PRDM11: variants seen among roughly 807,000 people sequenced by gnomAD.
The protein encoded by PRDM11 is PR/SET domain 11, also known as PR domain-containing protein 11.
In PRDM11, 20 loss-of-function variants were observed where a neutral mutation model predicts 97.8. That is an observed-to-expected ratio of 0.20 (90% CI 0.14 to 0.30). The LOEUF is 0.30. PRDM11 is among the 10% of genes least tolerant of loss of function. PRDM11 has a pLI of 1.00. For missense variants in PRDM11, 1,139 were observed against 1,555.2 expected, an observed-to-expected ratio of 0.73 and a Z score of 4.50; for synonymous variants, 599 against 637.7, an observed-to-expected ratio of 0.94 and a Z score of 0.91.
intron 4 of PRDM11, among the ~76,000 whole-genome samples, chr11:45,202,370 A>G (rs548035279): frequency 6.6e-6 from 1 of 152,358 alleles, no homozygotes; most frequent in Admixed American, 6.5e-5. Context: ...ATGATGTAAC[A>G]GAGATAATGC....
chr11:45,095,978 T>C, intron 1 of PRDM11: 4 of 732,800 alleles, frequency 5.5e-6, no homozygotes. Context: ...GGAATACTCT[T>C]CCTCCAGATC....
At chr11:45,196,292 T>C (rs755762445) in intron 4 of PRDM11, among the ~76,000 whole-genome samples, 3 of 152,162 alleles carry the variant, frequency 2.0e-5, no homozygotes, top group African/African-American at 4.8e-5. Context: ...CAGTGGTTAT[T>C]TGGGGAGAGC....
At chr11:45,194,590 CTGTTTTTTTTTT>C (rs1373557305) in intron 4 of PRDM11, among the ~76,000 whole-genome samples, 5 of 89,992 alleles carry the variant, frequency 5.6e-5, no homozygotes, top group Non-Finnish European at 6.7e-5. Flanking sequence ...TTATTATCTT[CTGTTTTTTTTTT>C]TTTTTTTTTT....
At chr11:45,097,089 AT>A (rs1851895823) in intron 1 of PRDM11, among the ~76,000 whole-genome samples, 3 of 152,226 alleles carry the variant, frequency 2.0e-5, no homozygotes, top group African/African-American at 7.2e-5. Flanking sequence ...CAAATCAAGG[AT>A]ATTTCCTGCA....
intron 1 of PRDM11, among the ~76,000 whole-genome samples, chr11:45,173,467 C>T (rs1852251269): frequency 6.6e-6 from 1 of 151,684 alleles, no homozygotes; most frequent in African/African-American, 2.4e-5. Context: ...ACTAAAAATC[C>T]AAAAATTAGC....
chr11:45,137,936 G>A (rs1037035154), intron 1 of PRDM11, among the ~76,000 whole-genome samples: 12 of 151,980 alleles, frequency 7.9e-5, no homozygotes, highest in East Asian at 5.8e-4. Flanking sequence ...ATACACACAC[G>A]CACACATACA....
chr11:45,096,033 C>T (rs1851883791), intron 1 of PRDM11: 2 of 681,478 alleles, frequency 2.9e-6, no homozygotes, highest in Non-Finnish European at 5.4e-6. Context: ...TTAAAGCCCG[C>T]ATTGTCCTTT....
intron 1 of PRDM11, among the ~76,000 whole-genome samples, chr11:45,138,052 T>C (rs1852910265): frequency 6.6e-6 from 1 of 152,166 alleles, no homozygotes; most frequent in Non-Finnish European, 1.5e-5. Flanking sequence ...CAGTAAAGCA[T>C]TCAGGCTGTG....
chr11:45,121,366 T>C (rs149190369), intron 1 of PRDM11, among the ~76,000 whole-genome samples: 21 of 152,292 alleles, frequency 1.4e-4, no homozygotes, highest in Middle Eastern at 3.4e-3. Flanking sequence ...GTTATATTAC[T>C]ATCTGATAAA....
chr11:45,173,076 A>G (rs894626053), intron 1 of PRDM11, among the ~76,000 whole-genome samples: 4 of 152,194 alleles, frequency 2.6e-5, no homozygotes, highest in Non-Finnish European at 5.9e-5. Flanking sequence ...TTGGAGGGAA[A>G]TGTCATGTGC....
intron 1 of PRDM11, among the ~76,000 whole-genome samples, chr11:45,110,565 T>C (rs1206884847): frequency 6.6e-6 from 1 of 152,214 alleles, no homozygotes; most frequent in Non-Finnish European, 1.5e-5. Flanking sequence ...TCCTCTGACC[T>C]GGGGGCTAAA....
At chr11:45,216,844 C>T (rs1035421921) in intron 5 of PRDM11, among the ~76,000 whole-genome samples, 1 of 152,240 alleles carries the variant, frequency 6.6e-6, no homozygotes, top group Admixed American at 6.5e-5. Context: ...CCTTTTGACA[C>T]ACCCTAGAAG....
At chr11:45,204,808 G>A (rs766350600) in intron 5 of PRDM11, 30 bp downstream of exon 5, 69 of 1,581,346 alleles carry the variant, frequency 4.4e-5, no homozygotes, top group Non-Finnish European at 5.9e-5. Context: ...TGTCCCGGGG[G>A]TCTTGCCTGG....
In PRDM11 at chr11:45,226,688, C is replaced by A; in HGVS notation, c.2063C>A (p.Ala688Asp). Residue 688 changes from alanine to aspartate, a missense_variant, in exon 8 of 8, where the codon GCC becomes GAC. By Grantham distance (126) the Ala-to-Asp change is moderately radical. This residue lies in a region of PRDM11 where 710 missense variants were observed against 1,044.9 expected (regional missense o/e 0.68). Transcript: ENST00000683152. The part of the protein sequence containing the change: ...VQYTSSDGPP[A>D]TEFLSLQELG... The stretch of plus-strand genomic sequence containing the variant: ...TACACCAGCAGTGATGGGCCCCCGG[C>A]CACAGAGTTCCTGTCCCTGCAGGAG... 1 of 1,533,986 alleles carries A rather than the reference C, an allele frequency of 6.5e-7. No homozygotes were observed.
intron 5 of PRDM11, among the ~76,000 whole-genome samples, chr11:45,215,069 C>T (rs961756072): frequency 3.3e-5 from 5 of 152,232 alleles, no homozygotes; most frequent in Admixed American, 6.5e-5. Flanking sequence ...AAACAATCAC[C>T]GTTTCGGACA....
chr11:45,129,172 T>G (rs937586108), intron 1 of PRDM11, among the ~76,000 whole-genome samples: 7 of 152,210 alleles, frequency 4.6e-5, no homozygotes, highest in Non-Finnish European at 1.0e-4. Flanking sequence ...TAATGAAGGA[T>G]ATCTACAAAA....
At chr11:45,201,400 T>G (rs1853320745) in intron 4 of PRDM11, among the ~76,000 whole-genome samples, 1 of 152,220 alleles carries the variant, frequency 6.6e-6, no homozygotes, top group Non-Finnish European at 1.5e-5. Flanking sequence ...TCATTTTTAC[T>G]AAAATCTTAA....
intron 1 of PRDM11, among the ~76,000 whole-genome samples, chr11:45,117,828 C>T (rs551988535): frequency 3.2e-4 from 49 of 152,260 alleles, no homozygotes; most frequent in Admixed American, 1.8e-3. Context: ...GACTTCGTTC[C>T]GACGAGTACA....
chr11:45,212,382 G>A (rs1016224499), intron 5 of PRDM11: 2 of 347,580 alleles, frequency 5.8e-6, no homozygotes, highest in Non-Finnish European at 1.1e-5. Flanking sequence ...GGATACTCAG[G>A]TGTTTTTCAG....
Sources: allele counts gnomAD v4.1 joint callset (sites outside exome capture counted in the v4.1 genomes callset), GRCh38; gene constraint gnomAD v4.1.1; regional missense constraint gnomAD v4.1.1; transcripts MANE v1.5; gene names NCBI Gene and HGNC (gene_info 2026-07-23, HGNC 2026-07-21).